The following CFAP54 variants were observed in gnomAD, a reference collection of about 807,000 sequenced individuals.
CFAP54 encodes the protein cilia and flagella associated protein 54, also known as cilia- and flagella-associated protein 54.
In CFAP54, 290 loss-of-function variants were observed where a neutral mutation model predicts 370.4. The observed-to-expected ratio is 0.78, with a 90% CI of 0.71 to 0.86. The LOEUF is 0.86. Ranked by LOEUF, CFAP54 falls within the 40% of genes least tolerant of loss-of-function variation. CFAP54 has a pLI of 0.00. For synonymous variants in CFAP54, 1,206 were observed against 1,236.5 expected, an observed-to-expected ratio of 0.98 and a Z score of 0.52; for missense variants, 3,399 against 3,528.7, an observed-to-expected ratio of 0.96 and a Z score of 0.93.
chr12:96,746,209 T>A (rs1159714751), intron 55 of CFAP54, among the ~76,000 whole-genome samples: 1 of 152,196 alleles, frequency 6.6e-6, no homozygotes, highest in Non-Finnish European at 1.5e-5. Context: ...TTCCCTCAGT[T>A]TGTAAATATT....
In CFAP54 at chr12:96,734,453, A is replaced by G. The variant is rs1227848297; in HGVS notation, c.6966-5503A>G. On this transcript the variant is annotated intron_variant, in intron 50 of 67. Transcript: ENST00000524981. The stretch of plus-strand genomic sequence containing the variant: ...CTCCCTGGCCCATAGCAGATGCTCC[A>G]TATGTACTTTTGGATTATTATAAGG... Among the ~76,000 whole-genome samples, 6 of 152,174 alleles carry G rather than the reference A, an allele frequency of 3.9e-5. No individual in the cohort carries two copies. The East Asian group carries it at 1.2e-3, about 29-fold the overall frequency.
At chr12:96,859,639 T>C (rs1310661130) in intron 66 of CFAP54, among the ~76,000 whole-genome samples, 1 of 152,118 alleles carries the variant, frequency 6.6e-6, no homozygotes, top group Non-Finnish European at 1.5e-5. Context: ...ACTCCTGACC[T>C]TGTGATCCTC....
At position 96,525,470 on chromosome 12, in the gene CFAP54, T is replaced by C. The variant is rs557617949; in HGVS notation, c.1159-1776T>C. On this transcript the variant is annotated intron_variant, in intron 8 of 67. Coordinates refer to ENST00000524981, the MANE Select transcript of CFAP54 (RefSeq NM_001306084.2). ...ATTTCATTTACAGCTCTGATAAATA[T>C]TCCATTCTTTTTGCTGGTTTTTCTA... 5.3e-5 allele frequency among the ~76,000 whole-genome samples: 8 copies of C among 152,238 alleles called. No homozygotes were observed. In the East Asian group the frequency reaches 1.5e-3, roughly 29 times the overall value.
intron 27 of CFAP54, 91 bp from the exon 28 acceptor site, chr12:96,623,676 G>C (rs1013722665): frequency 1.5e-5 from 10 of 647,034 alleles, no homozygotes; most frequent in Non-Finnish European, 2.7e-5. Flanking sequence ...AAGTGTGAAA[G>C]TATGAAAACA....
At chr12:96,799,970 A>G (rs745550969) in intron 63 of CFAP54, among the ~76,000 whole-genome samples, 1 of 152,190 alleles carries the variant, frequency 6.6e-6, no homozygotes, top group Non-Finnish European at 1.5e-5. Flanking sequence ...GCATACGTCA[A>G]ATTTTATTTA....
At chr12:96,641,105 A>G (rs1232475133) in intron 32 of CFAP54, among the ~76,000 whole-genome samples, 11 of 152,314 alleles carry the variant, frequency 7.2e-5, no homozygotes, top group South Asian at 2.1e-4. Flanking sequence ...GAGCTTCTGC[A>G]CAGCAAAAAG....
chr12:96,825,871 G>A (rs1156784214), intron 65 of CFAP54, among the ~76,000 whole-genome samples: 2 of 132,334 alleles, frequency 1.5e-5, no homozygotes, highest in South Asian at 4.6e-4. Flanking sequence ...ATATATAACA[G>A]AATATATCAA....
At chr12:96,804,607 G>C (rs989703076) in intron 63 of CFAP54, among the ~76,000 whole-genome samples, 1 of 152,076 alleles carries the variant, frequency 6.6e-6, no homozygotes, top group African/African-American at 2.4e-5. Flanking sequence ...ACTGATGAAA[G>C]AAAGTGTAGA....
At chr12:96,666,215 TG>T (rs1362662256) in intron 39 of CFAP54, among the ~76,000 whole-genome samples, 1 of 152,246 alleles carries the variant, frequency 6.6e-6, no homozygotes, top group African/African-American at 2.4e-5. Context: ...TGAATGCTTT[TG>T]GTATTTGGCC....
intron 14 of CFAP54, among the ~76,000 whole-genome samples, chr12:96,544,846 CT>C (rs751001308): frequency 1.2e-4 from 18 of 151,638 alleles, no homozygotes; most frequent in Non-Finnish European, 1.9e-4. Context: ...TCTGCAGTGT[CT>C]GAGGTGGCAC....
At chr12:96,695,565 T>C (rs924742807) in intron 45 of CFAP54, among the ~76,000 whole-genome samples, 6 of 152,242 alleles carry the variant, frequency 3.9e-5, no homozygotes, top group African/African-American at 1.4e-4. Flanking sequence ...CATGTAACTT[T>C]TCTCTCTTTT....
intron 66 of CFAP54, among the ~76,000 whole-genome samples, chr12:96,846,843 G>A (rs1959369757): frequency 6.6e-6 from 1 of 152,096 alleles, no homozygotes; most frequent in Non-Finnish European, 1.5e-5. Context: ...CATAATACCA[G>A]GTATGACAGT....
intron 60 of CFAP54, among the ~76,000 whole-genome samples, chr12:96,773,025 G>A (rs533685379): frequency 6.6e-6 from 1 of 152,174 alleles, no homozygotes; most frequent in South Asian, 2.1e-4. Context: ...TCATTTTCTT[G>A]TGTTCCCCAC....
chr12:96,587,952 T>G (rs1956089032), intron 22 of CFAP54, among the ~76,000 whole-genome samples: 1 of 152,220 alleles, frequency 6.6e-6, no homozygotes, highest in South Asian at 2.1e-4. Context: ...TTCAATGTTC[T>G]GGTTTCCTCA....
chr12:96,732,624 A>G (rs1307459919), intron 50 of CFAP54, among the ~76,000 whole-genome samples: 1 of 152,352 alleles, frequency 6.6e-6, no homozygotes, highest in East Asian at 1.9e-4. Flanking sequence ...TGAATTTCTA[A>G]TGTTGGCAAA....
At chr12:96,791,493 C>T (rs1046424569) in intron 62 of CFAP54, among the ~76,000 whole-genome samples, 1 of 152,132 alleles carries the variant, frequency 6.6e-6, no homozygotes, top group Non-Finnish European at 1.5e-5. Context: ...GGCCCACATT[C>T]ATCAAGGACA....
chr12:96,847,493 A>G (rs1370095247), intron 66 of CFAP54, among the ~76,000 whole-genome samples: 5 of 152,240 alleles, frequency 3.3e-5, no homozygotes, highest in African/African-American at 1.2e-4. Flanking sequence ...CTTAGTATAT[A>G]AAAGATGGTC....
At chr12:96,661,343 A>G (rs540367637) in intron 38 of CFAP54, among the ~76,000 whole-genome samples, 74 of 152,322 alleles carry the variant, frequency 4.9e-4, no homozygotes, top group African/African-American at 1.8e-3. Flanking sequence ...AACAGGGACA[A>G]GACCAAATAT....
chr12:96,732,870 TC>T (rs879697213), intron 50 of CFAP54, among the ~76,000 whole-genome samples: 2 of 152,118 alleles, frequency 1.3e-5, no homozygotes, highest in Non-Finnish European at 2.9e-5. Context: ...GTTTTTTTTT[TC>T]CAAACTATGT....
Sources: allele counts gnomAD v4.1 joint callset (sites outside exome capture counted in the v4.1 genomes callset), GRCh38; gene constraint gnomAD v4.1.1; transcripts MANE v1.5; gene names NCBI Gene and HGNC (gene_info 2026-07-23, HGNC 2026-07-21).